The following MAD1L1 variants were observed in gnomAD, a reference collection of about 807,000 sequenced individuals.
MAD1L1 encodes the protein mitotic spindle assembly checkpoint protein MAD1.
Under a neutral mutation model 96.9 loss-of-function variants are expected in MAD1L1, and 95 were observed. The ratio of observed to expected loss-of-function variants is 0.98; its 90% confidence interval spans 0.83 to 1.16. MAD1L1 has a LOEUF of 1.16. Among genes scored for constraint, MAD1L1 ranks in the 50% most tolerant of loss-of-function variants. The pLI is 0.00. For missense variants in MAD1L1, 1,007 were observed against 954.4 expected, an observed-to-expected ratio of 1.06 and a Z score of -0.73; for synonymous variants, 473 against 396.6, an observed-to-expected ratio of 1.19 and a Z score of -2.29.
intron 12 of MAD1L1, among the ~76,000 whole-genome samples, chr7:2,067,214 A>G (rs1281318947): frequency 7.6e-6 from 1 of 131,656 alleles, no homozygotes; most frequent in Non-Finnish European, 1.5e-5. Flanking sequence ...CGGGGTCATC[A>G]GGCCATGTTC....
intron 18 of MAD1L1, among the ~76,000 whole-genome samples, chr7:1,878,730 GT>G (rs760393177): frequency 5.5e-4 from 57 of 103,350 alleles, no homozygotes; most frequent in African/African-American, 1.9e-3. Context: ...AGGTAAAAAT[GT>G]CCCCCCCCCC....
At chr7:1,849,862 G>C (rs1783870122) in intron 18 of MAD1L1, 2 of 152,206 alleles carry the variant, frequency 1.3e-5, no homozygotes, top group South Asian at 2.1e-4. Flanking sequence ...TCCCTGGACG[G>C]GGGGCGGGCG....
rs538497697 is a variant in MAD1L1, at chr7:2,133,421, AG to A, written c.1073+15730del. On this transcript the variant is annotated intron_variant, in intron 11 of 18. Transcript: ENST00000265854. ...TGTTTCCTTACCACTGAGTTTGAAG[AG>A]TTCTTTGTATAATTTGGATAACAGC... is the stretch of plus-strand genomic sequence containing the variant. Among the ~76,000 whole-genome samples, 299 of 152,350 alleles carry A rather than the reference AG, an allele frequency of 2.0e-3. 1 individual carries two copies. Among genetic ancestry groups the A allele is most frequent in the African/African-American group, 6.9e-3 (288 of 41,576 alleles).
chr7:2,007,290 C>A (rs543625562), intron 13 of MAD1L1, among the ~76,000 whole-genome samples: 1 of 152,266 alleles, frequency 6.6e-6, no homozygotes, highest in East Asian at 1.9e-4. Context: ...CACAGCGGAG[C>A]GTTCTCCCAG....
chr7:1,821,989 G>T (rs1332568247), intron 18 of MAD1L1, among the ~76,000 whole-genome samples: 1 of 152,096 alleles, frequency 6.6e-6, no homozygotes, highest in Non-Finnish European at 1.5e-5. Flanking sequence ...TCCCTACTCG[G>T]AAATCACATG....
rs1407009653 is a variant in MAD1L1, at chr7:1,968,185, G to T, written c.1506-10466C>A. On this transcript the variant is annotated intron_variant, in intron 15 of 18. Coordinates refer to ENST00000265854, the MANE Select transcript of MAD1L1 (RefSeq NM_001013836.2). The surrounding 1 kb of genome is among the most constrained non-coding windows in gnomAD (Gnocchi z 5.6). ...AACAGCTTCGCGGACGAGGCACCCG[G>T]CAGAGCACGCCTCAATCCGGCGGTC... Among the ~76,000 whole-genome samples, 1 of 152,240 alleles carries T rather than the reference G, an allele frequency of 6.6e-6. No homozygotes were observed. The highest frequency in any genetic ancestry group is 1.5e-5 in the Non-Finnish European group (1 of 68,042).
At position 2,088,562 on chromosome 7, in the gene MAD1L1, G is replaced by A. The variant is rs1473174725; in HGVS notation, c.1074-19224C>T. ...CACGTGCACATCCATCTCCCTGGGA[G>A]GCCGGGGAGATCAGGACGGTGTGGC... is the stretch of plus-strand genomic sequence containing the variant. On this transcript the variant is annotated intron_variant, in intron 11 of 18. Transcript: ENST00000265854. The surrounding 1 kb of genome is among the most constrained non-coding windows in gnomAD (Gnocchi z 4.4). 6.6e-6 allele frequency among the ~76,000 whole-genome samples: 1 copy of A among 152,204 alleles called. No individual in the cohort carries two copies. Among genetic ancestry groups the A allele is most frequent in the African/African-American group, 2.4e-5 (1 of 41,452 alleles).
intron 17 of MAD1L1, among the ~76,000 whole-genome samples, chr7:1,934,369 G>A (rs565940805): frequency 9.2e-5 from 14 of 152,104 alleles, no homozygotes; most frequent in East Asian, 3.9e-4. Context: ...AGAGGTTAAC[G>A]AACAGACGGG....
chr7:2,117,104 A>G (rs556757428), intron 11 of MAD1L1, among the ~76,000 whole-genome samples: 1 of 152,326 alleles, frequency 6.6e-6, no homozygotes, highest in East Asian at 1.9e-4. Context: ...CCAGGCAGGC[A>G]GCCAAAGCGG....
intron 12 of MAD1L1, among the ~76,000 whole-genome samples, chr7:2,039,027 C>T (rs1008765714): frequency 1.3e-5 from 2 of 152,206 alleles, no homozygotes; most frequent in South Asian, 2.1e-4. Flanking sequence ...TTCACAGCCA[C>T]GATTCCTCCT....
chr7:1,976,640 CCTG>C lies in MAD1L1; in HGVS notation c.1505+3810_1505+3812del, dbSNP rs370851117. 5.3e-3 allele frequency among the ~76,000 whole-genome samples: 811 copies of C among 152,362 alleles called. 11 individuals are homozygous for C. Among genetic ancestry groups the C allele is most frequent in the African/African-American group, 0.019 (776 of 41,592 alleles). ...GGGTTGCCGCTGCTAGCTCTGGCAGCCTGCTTTTATTCCCTTATCTGGCTCCAC... is the reference window on the plus strand; with the variant it reads ...GGGTTGCCGCTGCTAGCTCTGGCAGCCTTTTATTCCCTTATCTGGCTCCAC... On this transcript the variant is annotated intron_variant, in intron 15 of 18. Transcript: ENST00000265854.
chr7:2,070,698 C>A (rs1785083399), intron 11 of MAD1L1, among the ~76,000 whole-genome samples: 1 of 152,204 alleles, frequency 6.6e-6, no homozygotes, highest in African/African-American at 2.4e-5. Context: ...GGAAATAAAA[C>A]ACAGCACTGG....
At chr7:1,948,389 G>A (rs900039850) in intron 16 of MAD1L1, among the ~76,000 whole-genome samples, 1 of 152,268 alleles carries the variant, frequency 6.6e-6, no homozygotes, top group East Asian at 1.9e-4. Context: ...CTAAGCGAGG[G>A]TTCACCAGGG....
chr7:1,874,035 C>A (rs1355926157), intron 18 of MAD1L1, among the ~76,000 whole-genome samples: 1 of 152,116 alleles, frequency 6.6e-6, no homozygotes, highest in Non-Finnish European at 1.5e-5. Context: ...TGAGGACAGG[C>A]GGGCCTCTCT....
intron 18 of MAD1L1, chr7:1,848,322 G>A: frequency 6.2e-6 from 1 of 161,096 alleles, no homozygotes. Context: ...AAGTGTGGGT[G>A]GGCTGTGTGC....
At chr7:2,227,810 C>A (rs567482586) in intron 3 of MAD1L1, among the ~76,000 whole-genome samples, 1 of 152,324 alleles carries the variant, frequency 6.6e-6, no homozygotes, top group Admixed American at 6.5e-5. Flanking sequence ...GTGGGCACCC[C>A]GCCTGCAGGG....
At chr7:2,096,431 C>G (rs1463196699) in intron 11 of MAD1L1, among the ~76,000 whole-genome samples, 1 of 152,204 alleles carries the variant, frequency 6.6e-6, no homozygotes, top group African/African-American at 2.4e-5. Flanking sequence ...GCGGACTCGG[C>G]TTTCACTCTC....
intron 17 of MAD1L1, among the ~76,000 whole-genome samples, chr7:1,906,028 TGACACAGTAA>T (rs1470807068): frequency 9.4e-5 from 11 of 117,058 alleles, no homozygotes; most frequent in Admixed American, 3.6e-4. Context: ...CCACGCTGGG[TGACACAGTAA>T]GACTCCATCT....
At chr7:1,999,450 C>A (rs1409984663) in intron 14 of MAD1L1, among the ~76,000 whole-genome samples, 1 of 152,174 alleles carries the variant, frequency 6.6e-6, no homozygotes, top group Non-Finnish European at 1.5e-5. Context: ...CTGGTAAACC[C>A]CATTCCCCAT....
Sources: gnomAD v4.1 joint callset for allele counts (sites outside exome capture counted in the v4.1 genomes callset) on GRCh38, gnomAD v4.1.1 for gene constraint, Gnocchi (gnomAD v3.1) non-coding constraint, MANE v1.5 for transcripts, NCBI Gene and HGNC (gene_info 2026-07-23, HGNC 2026-07-21) for gene names.